Variants in DDX46 observed in about 807,000 individuals in gnomAD.
The protein encoded by DDX46 is probable ATP-dependent RNA helicase DDX46.
Under a neutral mutation model 134.9 loss-of-function variants are expected in DDX46, and 30 were observed. The ratio of observed to expected loss-of-function variants is 0.22; its 90% CI spans 0.17 to 0.30. DDX46 has a LOEUF of 0.30. Ranked by LOEUF, DDX46 falls within the 10% of genes least tolerant of loss-of-function variation. The pLI is 1.00. For synonymous variants in DDX46, 415 were observed against 404.1 expected, an observed-to-expected ratio of 1.03 and a Z score of -0.32; for missense variants, 622 against 1,248.7, an observed-to-expected ratio of 0.50 and a Z score of 7.56.
intron 3 of DDX46, among the ~76,000 whole-genome samples, chr5:134,770,537 C>T (rs575704214): frequency 2.0e-5 from 3 of 152,212 alleles, no homozygotes; most frequent in East Asian, 1.9e-4. Context: ...TAAGGCCGGG[C>T]GAGGTGGCTC....
chr5:134,780,136 G>GTGTGTGTGTGTGTA (rs1305740806), intron 6 of DDX46, among the ~76,000 whole-genome samples: 1 of 147,300 alleles, frequency 6.8e-6, no homozygotes, highest in African/African-American at 2.5e-5. Context: ...GTGTGTGTGT[G>GTGTGTGTGTGTGTA]TGTATATGTA....
At chr5:134,761,659 C>G (rs1414547662) in intron 1 of DDX46, among the ~76,000 whole-genome samples, 1 of 152,172 alleles carries the variant, frequency 6.6e-6, no homozygotes, top group Non-Finnish European at 1.5e-5. Context: ...ATATTCTGAT[C>G]CACCTTCTCC....
At chr5:134,772,124 G>A (rs1005130092) in intron 4 of DDX46, among the ~76,000 whole-genome samples, 1 of 152,130 alleles carries the variant, frequency 6.6e-6, no homozygotes, top group Non-Finnish European at 1.5e-5. Context: ...CCAGCTACTT[G>A]GGAGACTGAG....
At chr5:134,784,009 CA>C (rs1163863020) in intron 9 of DDX46, among the ~76,000 whole-genome samples, 1 of 152,000 alleles carries the variant, frequency 6.6e-6, no homozygotes. Flanking sequence ...TTCATTATCC[CA>C]AAAAGAAACT....
chr5:134,821,566 C>T lies in DDX46; in HGVS notation c.2977+2562C>T, dbSNP rs563115338. On this transcript the variant is annotated intron_variant, in intron 21 of 22. Coordinates refer to ENST00000452510, the MANE Select transcript of DDX46 (RefSeq NM_001300860.2). Reference sequence around the variant, plus strand: ...TTTTTTTTTTTGAGAGGGAGTCTAGCTCTGTCACCAGGCTGGAATGCAGCG... The same window carrying T: ...TTTTTTTTTTTGAGAGGGAGTCTAGTTCTGTCACCAGGCTGGAATGCAGCG... Among the ~76,000 whole-genome samples the T allele has an allele frequency of 5.5e-5, 8 of 144,830 alleles. No individual in the cohort carries two copies. The Admixed American group carries it at 5.6e-4, about 10-fold the overall frequency.
chr5:134,758,970 C>T lies in DDX46; in HGVS notation c.17+15C>T, dbSNP rs561616406. On this transcript the variant is annotated intron_variant, in intron 1 of 22. Transcript: ENST00000452510. ...CGGGAGTCACGGTGAGGCAGAGCGC[C>T]GAGCGGGCTAGCGGGCGAGCGGCTT... The T allele has an allele frequency of 1.4e-5, 22 of 1,610,562 alleles. 1 individual carries two copies. The highest frequency in any genetic ancestry group is 8.0e-5 in the African/African-American group (6 of 75,000).
At chr5:134,768,109 ATTT>A (rs34340470) in intron 3 of DDX46, among the ~76,000 whole-genome samples, 2 of 141,828 alleles carry the variant, frequency 1.4e-5, no homozygotes, top group Non-Finnish European at 1.6e-5. Context: ...ATAAGTGAAG[ATTT>A]TTTTTTTTTT....
chr5:134,791,224 G>A (rs76657062), intron 13 of DDX46, among the ~76,000 whole-genome samples: 3,260 of 152,296 alleles, frequency 0.021, 99 homozygotes, highest in African/African-American at 0.074. Context: ...CGTTTGCTAA[G>A]ATAATGGCCC....
chr5:134,815,706 C>CAAAAAAAAAAA (rs374562980), intron 18 of DDX46, among the ~76,000 whole-genome samples: 3 of 28,706 alleles, frequency 1.0e-4, no homozygotes, highest in African/African-American at 3.1e-4. Context: ...GACTCTGTCT[C>CAAAAAAAAAAA]AAAAAAAAAA....
intron 1 of DDX46, among the ~76,000 whole-genome samples, chr5:134,761,073 T>C (rs1753368984): frequency 6.6e-6 from 1 of 152,154 alleles, no homozygotes; most frequent in Admixed American, 6.6e-5. Flanking sequence ...TCTCCCAGGC[T>C]GGAGTGCATT....
At chr5:134,810,818 C>T (rs1189265519) in intron 16 of DDX46, among the ~76,000 whole-genome samples, 5 of 151,528 alleles carry the variant, frequency 3.3e-5, no homozygotes, top group Admixed American at 6.6e-5. Flanking sequence ...CCAGCCTGGC[C>T]GACATGGTGA....
intron 5 of DDX46, among the ~76,000 whole-genome samples, chr5:134,776,474 C>T (rs1473597798): frequency 6.6e-6 from 1 of 151,938 alleles, no homozygotes. Context: ...AGGTCTTCAT[C>T]CTTGTTGTCT....
chr5:134,795,244 G>A (rs1754621745), intron 14 of DDX46, among the ~76,000 whole-genome samples: 1 of 147,734 alleles, frequency 6.8e-6, no homozygotes, highest in Admixed American at 6.8e-5. Flanking sequence ...GGGTGCAGTG[G>A]TGCATGCCTG....
At chr5:134,805,088 A>G (rs898328020) in intron 15 of DDX46, 1 of 291,660 alleles carries the variant, frequency 3.4e-6, no homozygotes, top group Non-Finnish European at 7.0e-6. Context: ...TAAAGGCTGT[A>G]TTGTAGAAAG....
At position 134,794,971 on chromosome 5, in the gene DDX46, T is replaced by G; in HGVS notation, c.1748T>G (p.Val583Gly). The part of the protein sequence containing the change: ...RILSKPIEVQ[V>G]GGRSVVCSDV... The stretch of plus-strand genomic sequence containing the variant: ...CTCAGTAAACCTATTGAAGTACAAG[T>G]TGGAGGCAGGAGTGTGGTTTGCTCA... The change falls in exon 14 of 23, where the codon GTT (valine) becomes GGT (glycine). Residue 583 changes from valine (V) to glycine (G), a missense_variant. By Grantham distance (109) the Val-to-Gly change is moderately radical. Transcript: ENST00000452510. 1 of 1,614,182 alleles carries G rather than the reference T, an allele frequency of 6.2e-7. No individual in the cohort carries two copies. The highest frequency in any genetic ancestry group is 8.5e-7 in the Non-Finnish European group (1 of 1,180,020).
chr5:134,786,618 G>C (rs550314548), intron 11 of DDX46, among the ~76,000 whole-genome samples: 1 of 152,262 alleles, frequency 6.6e-6, no homozygotes, highest in African/African-American at 2.4e-5. Flanking sequence ...GCCGAAGCGG[G>C]TGGATCATGA....
chr5:134,782,178 A>C (rs1422363828), intron 8 of DDX46, 92 bp downstream of exon 8: 8 of 1,270,714 alleles, frequency 6.3e-6, no homozygotes, highest in Non-Finnish European at 6.4e-6. Flanking sequence ...GTGTCTCATG[A>C]AGGAGGGTGT....
At chr5:134,781,692 T>TA (rs1337784310) in intron 7 of DDX46, among the ~76,000 whole-genome samples, 2 of 152,198 alleles carry the variant, frequency 1.3e-5, no homozygotes, top group Non-Finnish European at 2.9e-5. Flanking sequence ...AGCTGCTTGA[T>TA]ACGTTTCTAA....
At chr5:134,814,833 C>G (rs1755242675) in intron 18 of DDX46, among the ~76,000 whole-genome samples, 1 of 152,014 alleles carries the variant, frequency 6.6e-6, no homozygotes, top group East Asian at 1.9e-4. Context: ...CCAGGCTGGT[C>G]TTGAACTCCT....
Sources: gnomAD v4.1 joint callset for allele counts (sites outside exome capture counted in the v4.1 genomes callset) on GRCh38, gnomAD v4.1.1 for gene constraint, MANE v1.5 for transcripts, NCBI Gene and HGNC (gene_info 2026-07-23, HGNC 2026-07-21) for gene names.